INPP4B: variants seen among roughly 807,000 people sequenced by gnomAD.
INPP4B encodes inositol polyphosphate-4-phosphatase type II B, also known as inositol polyphosphate 4-phosphatase type II.
A neutral mutation model predicts 122.5 loss-of-function variants in INPP4B; 55 were observed. That is an observed-to-expected ratio of 0.45 (90% CI 0.36 to 0.56). INPP4B has a LOEUF of 0.56. Among genes scored for constraint, INPP4B ranks in the 20% least tolerant of loss-of-function variants. INPP4B has a pLI of 0.00. For missense variants in INPP4B, 1,000 were observed against 1,097.7 expected (o/e 0.91, Z 1.26); for synonymous variants, 403 against 388.7 (o/e 1.04, Z -0.43).
intron 15 of INPP4B, among the ~76,000 whole-genome samples, chr4:142,174,615 TA>T (rs1268870149): frequency 7.9e-6 from 1 of 126,400 alleles, no homozygotes; most frequent in Non-Finnish European, 1.8e-5. Context: ...GATTATTAAC[TA>T]AAGAATTATT....
At chr4:142,605,481 G>C (rs569452926) in intron 2 of INPP4B, among the ~76,000 whole-genome samples, 1 of 152,090 alleles carries the variant, frequency 6.6e-6, no homozygotes, top group African/African-American at 2.4e-5. Context: ...TTGACACGTT[G>C]AAGAGACAAC....
At chr4:142,063,386 G>T (rs1761981257) in intron 25 of INPP4B, among the ~76,000 whole-genome samples, 1 of 152,098 alleles carries the variant, frequency 6.6e-6, no homozygotes, top group African/African-American at 2.4e-5. Context: ...GACCCTAAAT[G>T]AATTAAAAAG....
At chr4:142,708,255 A>G (rs982204248) in intron 2 of INPP4B, among the ~76,000 whole-genome samples, 2 of 152,214 alleles carry the variant, frequency 1.3e-5, no homozygotes, top group Non-Finnish European at 2.9e-5. Flanking sequence ...AGCAGAGCAT[A>G]AAAGTTTAGA....
rs551271057 is a variant in INPP4B, at chr4:142,577,864, C to T, written c.-190-115138G>A. Among the ~76,000 whole-genome samples the T allele has an allele frequency of 5.8e-4, 88 of 152,024 alleles. 1 individual carries two copies. The highest frequency in any genetic ancestry group is 2.1e-3 in the African/African-American group (86 of 41,520). ...TCTGCAGTTCCTTTTTACATGGGTTCCCTAACATGGCTGTTTACTTTCTCA... is the reference window on the plus strand; with the variant it reads ...TCTGCAGTTCCTTTTTACATGGGTTTCCTAACATGGCTGTTTACTTTCTCA... On this transcript the variant is annotated intron_variant, in intron 2 of 25. Coordinates refer to ENST00000262992, the MANE Select transcript of INPP4B (RefSeq NM_001101669.3).
At chr4:142,540,554 G>A (rs897080923) in intron 2 of INPP4B, among the ~76,000 whole-genome samples, 1 of 152,116 alleles carries the variant, frequency 6.6e-6, no homozygotes, top group Non-Finnish European at 1.5e-5. Flanking sequence ...GAGTGTAAGA[G>A]TAACTTGGGA....
chr4:142,073,796 C>T (rs1030803966), intron 25 of INPP4B, among the ~76,000 whole-genome samples: 1 of 152,026 alleles, frequency 6.6e-6, no homozygotes, highest in African/African-American at 2.4e-5. Context: ...TAGGTTTTGG[C>T]ATAACTGCTC....
Position 142,023,592 on chromosome 4 carries a change from C to T in INPP4B, c.*5190G>A, listed in dbSNP as rs539647984. ...CACAAGAATTATCTAGATAATATAG[C>T]AATATTGCCAAAATTTGAGTCAATG... is the stretch of plus-strand genomic sequence containing the variant. On this transcript the variant is annotated 3_prime_UTR_variant, in exon 26 of 26. Coordinates refer to ENST00000262992, the MANE Select transcript of INPP4B (RefSeq NM_001101669.3). 2 of 152,146 alleles carry T rather than the reference C, an allele frequency of 1.3e-5. No individual in the cohort carries two copies. Among genetic ancestry groups the T allele is most frequent in the South Asian group, 2.1e-4 (1 of 4,822 alleles). The allele number at this position is 152,146 out of a possible 1,614,324, so 9.4% of individuals were successfully genotyped here.
At chr4:142,641,503 AG>A (rs746078239) in intron 2 of INPP4B, among the ~76,000 whole-genome samples, 1 of 147,488 alleles carries the variant, frequency 6.8e-6, no homozygotes, top group Non-Finnish European at 1.5e-5. Flanking sequence ...CCCAGCTATC[AG>A]TGAGAACATG....
At chr4:142,134,947 A>G (rs1448726909) in intron 18 of INPP4B, among the ~76,000 whole-genome samples, 1 of 152,060 alleles carries the variant, frequency 6.6e-6, no homozygotes, top group Non-Finnish European at 1.5e-5. Flanking sequence ...TAAGCCCTCT[A>G]GTGAAAAAGA....
chr4:142,620,991 C>CA (rs1042829901), intron 2 of INPP4B, among the ~76,000 whole-genome samples: 8 of 151,438 alleles, frequency 5.3e-5, no homozygotes, highest in Admixed American at 3.3e-4. Context: ...ATTAAAATAT[C>CA]AAAAAAACCT....
At chr4:142,251,095 T>A (rs529495876) in intron 11 of INPP4B, among the ~76,000 whole-genome samples, 2 of 152,312 alleles carry the variant, frequency 1.3e-5, no homozygotes, top group South Asian at 4.1e-4. Flanking sequence ...TTCAATATGA[T>A]CTCTGTGTCT....
chr4:142,642,358 A>G (rs1378908959), intron 2 of INPP4B, among the ~76,000 whole-genome samples: 1 of 152,152 alleles, frequency 6.6e-6, no homozygotes, highest in African/African-American at 2.4e-5. Flanking sequence ...TATGTCCTGA[A>G]TGGTATTGCC....
intron 1 of INPP4B, among the ~76,000 whole-genome samples, chr4:142,838,720 C>T (rs910234479): frequency 3.9e-5 from 6 of 152,274 alleles, no homozygotes; most frequent in African/African-American, 1.2e-4. Context: ...TTTAGATACT[C>T]AATGTCACAA....
chr4:142,827,480 AT>A (rs1379708001), intron 1 of INPP4B, among the ~76,000 whole-genome samples: 1 of 152,206 alleles, frequency 6.6e-6, no homozygotes, highest in Non-Finnish European at 1.5e-5. Flanking sequence ...GTGCAATAAT[AT>A]CCCCCTGGGT....
At chr4:142,549,158 C>T (rs930309532) in intron 2 of INPP4B, among the ~76,000 whole-genome samples, 1 of 152,122 alleles carries the variant, frequency 6.6e-6, no homozygotes, top group African/African-American at 2.4e-5. Context: ...TTAACCCGCA[C>T]TGCACAGCAT....
At chr4:142,080,091 GT>G (rs1773102433) in intron 25 of INPP4B, among the ~76,000 whole-genome samples, 1 of 152,048 alleles carries the variant, frequency 6.6e-6, no homozygotes, top group Non-Finnish European at 1.5e-5. Context: ...TATCATGTCT[GT>G]TTTAAAAGAT....
intron 9 of INPP4B, among the ~76,000 whole-genome samples, chr4:142,279,879 A>G (rs763434425): frequency 3.9e-5 from 6 of 151,978 alleles, no homozygotes; most frequent in Non-Finnish European, 7.4e-5. Flanking sequence ...AAGTATATAA[A>G]GAGCTCTTAA....
At chr4:142,705,141 T>C (rs1762302207) in intron 2 of INPP4B, among the ~76,000 whole-genome samples, 1 of 152,084 alleles carries the variant, frequency 6.6e-6, no homozygotes, top group Admixed American at 6.5e-5. Context: ...TCCTTCCTGG[T>C]CATATTTTAT....
intron 7 of INPP4B, among the ~76,000 whole-genome samples, chr4:142,377,089 C>T (rs1001836502): frequency 6.7e-6 from 1 of 149,630 alleles, no homozygotes; most frequent in African/African-American, 2.5e-5. Flanking sequence ...AGCCTTAATT[C>T]GATTTCATCT....
Sources: gnomAD v4.1 joint callset for allele counts (sites outside exome capture counted in the v4.1 genomes callset) on GRCh38, gnomAD v4.1.1 for gene constraint, MANE v1.5 for transcripts, NCBI Gene and HGNC (gene_info 2026-07-23, HGNC 2026-07-21) for gene names.